ZNF652: variants seen among roughly 807,000 people sequenced by gnomAD.
ZNF652 encodes the protein zinc finger protein 652.
In ZNF652, 16 loss-of-function variants were observed where a neutral mutation model predicts 45.2. The ratio of observed to expected loss-of-function variants is 0.35; its 90% CI spans 0.24 to 0.54. The LOEUF (loss-of-function observed/expected upper bound fraction) is 0.54, where lower values mean the gene tolerates loss of function less well. Among genes scored for constraint, ZNF652 ranks in the 20% least tolerant of loss-of-function variants. ZNF652 has a pLI of 0.91. For synonymous variants in ZNF652, 250 were observed against 260.6 expected, an observed-to-expected ratio of 0.96 and a Z score of 0.39; for missense variants, 614 against 765.6, an observed-to-expected ratio of 0.80 and a Z score of 2.34.
In ZNF652 at chr17:49,293,549, C is replaced by T. The variant is rs1055405730; in HGVS notation, c.*4864G>A. 1.3e-5 allele frequency among the ~76,000 whole-genome samples: 2 copies of T among 148,590 alleles called. No homozygotes were observed. The highest frequency in any genetic ancestry group is 1.4e-4 in the Admixed American group (2 of 14,586). ...GAGGTAGTGTCCAGGGTTGGAAGGT[C>T]ATCATTCTTTATTGTAAGTGCTACA... On this transcript the variant is annotated 3_prime_UTR_variant, in exon 6 of 6. Transcript: ENST00000430262.
intron 5 of ZNF652, among the ~76,000 whole-genome samples, chr17:49,306,719 A>G (rs1312187857): frequency 1.3e-5 from 2 of 152,202 alleles, no homozygotes; most frequent in African/African-American, 4.8e-5. Context: ...TCCTAAGTAA[A>G]TAATTATGGC....
At chr17:49,330,481 T>C (rs1485852244) in intron 1 of ZNF652, among the ~76,000 whole-genome samples, 20 of 151,742 alleles carry the variant, frequency 1.3e-4, no homozygotes, top group Non-Finnish European at 5.9e-5. Flanking sequence ...ATTTTTAGCA[T>C]GACTAATTTT....
rs2069814614 is a variant in ZNF652, at chr17:49,317,001, T to C, written c.725A>G (p.Lys242Arg). Reference protein sequence around the residue: ...APVQKAKCEEKETLTCEKCPR... With the variant: ...APVQKAKCEERETLTCEKCPR... ...GCACTTCTCACAGGTCAGAGTCTCT[T>C]TCTCTTCACACTTAGCTTTCTGGAC... The change falls in exon 2 of 6, where the codon AAA becomes AGA. Residue 242 changes from lysine (K) to arginine (R), a missense_variant. Transcript: ENST00000430262. 1 of 1,614,066 alleles carries C rather than the reference T, an allele frequency of 6.2e-7. No homozygotes were observed. Among genetic ancestry groups the C allele is most frequent in the Non-Finnish European group, 8.5e-7 (1 of 1,180,042 alleles).
Position 49,298,121 on chromosome 17 carries a change from G to T in ZNF652, c.*292C>A. 2.4e-6 allele frequency: 1 copy of T among 415,878 alleles called. No homozygotes were observed. The highest frequency in any genetic ancestry group is 4.3e-6 in the Non-Finnish European group (1 of 230,194). The allele number at this position is 415,878 out of a possible 1,614,324, so 25.8% of individuals were successfully genotyped here. A position where few individuals can be genotyped will look rare whatever the true frequency, so the allele number is the denominator to read the frequency against. On this transcript the variant is annotated 3_prime_UTR_variant, in exon 6 of 6. Coordinates refer to ENST00000430262, the MANE Select transcript of ZNF652 (RefSeq NM_001145365.3). The stretch of plus-strand genomic sequence containing the variant: ...GCAAGCATACCTCATCAGCTGATAT[G>T]AAATTATAAAATTCCACAAGTCTGA...
In ZNF652 at chr17:49,347,735, G is replaced by GGTTTTTTTTTTT. The variant is rs1481178311; in HGVS notation, c.-259+14173_-259+14174insAAAAAAAAAAAC. ...TGCCTGCAAGAAAAATTGAACCTTG[G>GGTTTTTTTTTTT]TTTTGTTTTTTTTTTTTTTTTTTTT... On this transcript the variant is annotated intron_variant, in intron 1 of 5. Coordinates refer to ENST00000430262, the MANE Select transcript of ZNF652 (RefSeq NM_001145365.3). 3.2e-5 allele frequency among the ~76,000 whole-genome samples: 4 copies of GGTTTTTTTTTTT among 124,410 alleles called. 1 individual carries two copies. The highest frequency in any genetic ancestry group is 3.2e-5 in the Non-Finnish European group (2 of 61,822). 81.6% of individuals were successfully genotyped at this position (124,410 alleles called of 152,430 possible).
chr17:49,327,761 ATATATATATATATATATATTTT>A lies in ZNF652; in HGVS notation c.-258-9800_-258-9779del, dbSNP rs1354949664. Among the ~76,000 whole-genome samples the A allele has an allele frequency of 2.6e-3, 26 of 10,082 alleles. 1 individual carries two copies. In the South Asian group the frequency reaches 0.045, roughly 17 times the overall value. 6.6% of individuals were successfully genotyped at this position (10,082 alleles called of 152,430 possible). A position where few individuals can be genotyped will look rare whatever the true frequency, so the allele number is the denominator to read the frequency against. On this transcript the variant is annotated intron_variant, in intron 1 of 5. Coordinates refer to ENST00000430262, the MANE Select transcript of ZNF652 (RefSeq NM_001145365.3). ...TATATATATATATATATATATATAT[ATATATATATATATATATATTTT>A]TTTTTTTTTTTTTTAGTAGAGATAG...
rs8082083 is a variant in ZNF652, at chr17:49,317,926, C to T, written c.-201G>A. On this transcript the variant is annotated 5_prime_UTR_variant, in exon 2 of 6. Transcript: ENST00000430262. ...AAAAGGTTTGGTATTATGGCAAGAG[C>T]AGAGCACTAGTGATTTTTCTTCTGA... 11,237 of 527,474 alleles carry T rather than the reference C, an allele frequency of 0.021. 157 individuals carry two copies. The highest frequency in any genetic ancestry group is 0.027 in the Non-Finnish European group (8,618 of 315,638). 32.7% of individuals were successfully genotyped at this position (527,474 alleles called of 1,614,324 possible).
rs1486330614 is a variant in ZNF652 at position 49,316,409 on chromosome 17, C to CA, written c.900+416dup. ...GAGTCATTATGGTTTTTGTCCCCAT[C>CA]AGCTGTACTAGAATCTGGCATCCTT... On this transcript the variant is annotated intron_variant, in intron 2 of 5. Coordinates refer to ENST00000430262, the MANE Select transcript of ZNF652 (RefSeq NM_001145365.3). Among the ~76,000 whole-genome samples the CA allele has an allele frequency of 6.3e-4, 96 of 152,310 alleles. 1 individual carries two copies. The highest frequency in any genetic ancestry group is 2.2e-3 in the African/African-American group (93 of 41,560).
intron 5 of ZNF652, among the ~76,000 whole-genome samples, chr17:49,300,332 G>A (rs1052457191): frequency 6.6e-6 from 1 of 152,046 alleles, no homozygotes. Flanking sequence ...AGGGTGTTGG[G>A]GGCTACTGCT....
chr17:49,312,207 A>C (rs1426958601), intron 3 of ZNF652, among the ~76,000 whole-genome samples, 165 bp from the exon 4 acceptor site: 1 of 121,180 alleles, frequency 8.3e-6, no homozygotes, highest in Non-Finnish European at 1.6e-5. Context: ...GCTCTGTCGC[A>C]CAGGCCGGAG....
intron 1 of ZNF652, among the ~76,000 whole-genome samples, chr17:49,357,586 T>C (rs2070351242): frequency 6.6e-6 from 1 of 152,188 alleles, no homozygotes; most frequent in South Asian, 2.1e-4. Flanking sequence ...AACTACTATA[T>C]AAACAAACAG....
At position 49,317,003 on chromosome 17, in the gene ZNF652, C is replaced by T. The variant is rs1442202935; in HGVS notation, c.723G>A (p.Glu241=). ...KAPVQKAKCE[E]KETLTCEKCP... ...ACTTCTCACAGGTCAGAGTCTCTTTCTCTTCACACTTAGCTTTCTGGACTG... is the reference window on the plus strand; with the variant it reads ...ACTTCTCACAGGTCAGAGTCTCTTTTTCTTCACACTTAGCTTTCTGGACTG... The change falls in exon 2 of 6, where the codon GAG becomes GAA. Residue 241 remains glutamate, a synonymous_variant. Transcript: ENST00000430262. 1.2e-6 allele frequency: 2 copies of T among 1,614,192 alleles called. No individual in the cohort carries two copies. The highest frequency in any genetic ancestry group is 3.3e-5 in the Admixed American group (2 of 60,020).
intron 1 of ZNF652, among the ~76,000 whole-genome samples, chr17:49,331,747 A>C (rs112367139): frequency 9.0e-4 from 137 of 152,340 alleles, no homozygotes; most frequent in African/African-American, 2.9e-3. Context: ...CTACAAAAAG[A>C]CAAAGGAGTG....
At chr17:49,354,568 G>A (rs937637068) in intron 1 of ZNF652, among the ~76,000 whole-genome samples, 1 of 146,816 alleles carries the variant, frequency 6.8e-6, no homozygotes, top group African/African-American at 2.5e-5. Flanking sequence ...CCGAGATCAC[G>A]CCACTGCACC....
chr17:49,288,142 T>A (rs2069361309), downstream of ZNF652, among the ~76,000 whole-genome samples: 1 of 151,908 alleles, frequency 6.6e-6, no homozygotes, highest in African/African-American at 2.4e-5. Flanking sequence ...TTTTATTCAC[T>A]TATATAAATA....
At chr17:49,341,250 C>G (rs1367639754) in intron 1 of ZNF652, among the ~76,000 whole-genome samples, 1 of 151,578 alleles carries the variant, frequency 6.6e-6, no homozygotes, top group East Asian at 1.9e-4. Context: ...AAAAGAAAAA[C>G]TATGACAAAA....
Position 49,295,565 on chromosome 17 carries a change from T to G in ZNF652, c.*2848A>C, listed in dbSNP as rs2069461931. On this transcript the variant is annotated 3_prime_UTR_variant, in exon 6 of 6. Transcript: ENST00000430262. ...TGAATATTCCAGTGTATAATTACAG[T>G]ACAACCTCATGAAATGGTTGATTCT... 6.6e-6 allele frequency: 1 copy of G among 152,528 alleles called. No individual in the cohort carries two copies. The highest frequency in any genetic ancestry group is 2.4e-5 in the African/African-American group (1 of 41,442). 9.4% of individuals were successfully genotyped at this position (152,528 alleles called of 1,614,324 possible).
chr17:49,301,540 C>T (rs1207484126), intron 5 of ZNF652, among the ~76,000 whole-genome samples: 7 of 152,204 alleles, frequency 4.6e-5, no homozygotes, highest in South Asian at 4.1e-4. Flanking sequence ...TCAGGTGATC[C>T]GCCCACCTCG....
chr17:49,309,562 A>C (rs2069681003), intron 5 of ZNF652, among the ~76,000 whole-genome samples: 2 of 151,906 alleles, frequency 1.3e-5, no homozygotes, highest in Non-Finnish European at 2.9e-5. Context: ...TATGCTGTTT[A>C]GTTCCATGTT....
Sources: allele counts gnomAD v4.1 joint callset (sites outside exome capture counted in the v4.1 genomes callset), GRCh38; gene constraint gnomAD v4.1.1; transcripts MANE v1.5; gene names NCBI Gene and HGNC (gene_info 2026-07-23, HGNC 2026-07-21).